The following CELF2 variants were observed in gnomAD, a reference collection of about 807,000 sequenced individuals.
The protein encoded by CELF2 is CUG triplet repeat RNA-binding protein 2.
A neutral mutation model predicts 62.6 loss-of-function variants in CELF2; 8 were observed. That is an observed-to-expected ratio of 0.13 (90% CI 0.07 to 0.23). CELF2 has a LOEUF of 0.23. Ranked by LOEUF, CELF2 falls within the 10% of genes least tolerant of loss-of-function variation. CELF2 has a pLI of 1.00. For synonymous variants in CELF2, 258 were observed against 250.0 expected (o/e 1.03, Z -0.30); for missense variants, 333 against 671.0 (o/e 0.50, Z 5.56).
the CELF2 span, among the ~76,000 whole-genome samples, chr10:10,591,046 C>A: frequency 6.6e-6 from 1 of 151,996 alleles, no homozygotes; most frequent in African/African-American, 2.4e-5. Flanking sequence ...CTGGTGTTCA[C>A]GAGAATATAA....
At position 11,240,176 on chromosome 10, in the gene CELF2, CT is replaced by C. The variant is rs2073302291; in HGVS notation, c.355-8975del. Among the ~76,000 whole-genome samples the C allele has an allele frequency of 2.6e-5, 4 of 152,362 alleles. No homozygotes were observed. In the South Asian group the frequency reaches 8.3e-4, roughly 32 times the overall value. ...TCTGCCTCCATCATGGAATTGGCATCTTCAGAGGGTAACAGTTTTTTCCCGA... is the reference window on the plus strand; with the variant it reads ...TCTGCCTCCATCATGGAATTGGCATCTCAGAGGGTAACAGTTTTTTCCCGA... On this transcript the variant is annotated intron_variant, in intron 3 of 12. Coordinates refer to ENST00000633077, the MANE Select transcript of CELF2 (RefSeq NM_001326342.2).
At chr10:11,017,858 G>C (rs1202514255), upstream of CELF2, 117 of 747,246 alleles carry the variant, frequency 1.6e-4, no homozygotes, top group Non-Finnish European at 1.8e-4. The surrounding 1 kb of genome is among the most constrained non-coding windows in gnomAD (Gnocchi z 5.5). Context: ...GGCGGCGGGC[G>C]CCCCGCGAGC....
chr10:11,170,307 C>T (rs2068454541), intron 2 of CELF2, among the ~76,000 whole-genome samples: 2 of 152,182 alleles, frequency 1.3e-5, no homozygotes, highest in Non-Finnish European at 2.9e-5. Context: ...TTCGTACAAG[C>T]GCCTGCCCTC....
chr10:10,918,671 T>C (rs1416884178), intron 1 of CELF2, among the ~76,000 whole-genome samples: 1 of 152,188 alleles, frequency 6.6e-6, no homozygotes, highest in African/African-American at 2.4e-5. Flanking sequence ...CCTTTAAAGC[T>C]GAAGCTTAAC....
At chr10:10,622,120 C>A in the CELF2 span, among the ~76,000 whole-genome samples, 2 of 152,184 alleles carry the variant, frequency 1.3e-5, no homozygotes, top group South Asian at 4.1e-4. Flanking sequence ...TGGGGATGAG[C>A]CCCTGGGACC....
chr10:10,924,418 T>C (rs2065249479), intron 2 of CELF2, among the ~76,000 whole-genome samples: 1 of 151,720 alleles, frequency 6.6e-6, no homozygotes, highest in African/African-American at 2.4e-5. Context: ...CAGAGTCCAC[T>C]GTTTTTCAAC....
chr10:11,052,651 C>T (rs1218264379), intron 1 of CELF2, among the ~76,000 whole-genome samples: 8 of 152,224 alleles, frequency 5.3e-5, no homozygotes, highest in East Asian at 1.9e-4. Context: ...GCACTTCTGC[C>T]GATCCTTAAC....
At chr10:10,776,906 G>T in the CELF2 span, among the ~76,000 whole-genome samples, 2 of 152,192 alleles carry the variant, frequency 1.3e-5, no homozygotes, top group Non-Finnish European at 2.9e-5. Context: ...AGGTCAACAC[G>T]TCCTCCGGAA....
At position 11,161,098 on chromosome 10, in the gene CELF2, A is replaced by G. The variant is rs555693900; in HGVS notation, c.75-4388A>G. On this transcript the variant is annotated intron_variant, in intron 1 of 12. Coordinates refer to ENST00000633077, the MANE Select transcript of CELF2 (RefSeq NM_001326342.2). ...GATTTTGCATATACTCTGTTGATCT[A>G]GTTATTTTTCCTCTAAAATAGGGAA... 2.6e-5 allele frequency among the ~76,000 whole-genome samples: 4 copies of G among 152,342 alleles called. No homozygotes were observed. The South Asian group carries it at 8.3e-4, about 32-fold the overall frequency.
chr10:10,683,727 T>C, the CELF2 span, among the ~76,000 whole-genome samples: 7 of 152,194 alleles, frequency 4.6e-5, no homozygotes, highest in African/African-American at 1.7e-4. Context: ...AGATCATATA[T>C]GATGGGCTTG....
chr10:11,288,716 T>A (rs2091942268), intron 9 of CELF2, among the ~76,000 whole-genome samples, 164 bp downstream of exon 9: 1 of 152,196 alleles, frequency 6.6e-6, no homozygotes, highest in Non-Finnish European at 1.5e-5. Context: ...TTAAAAATGG[T>A]CAAAGTTCGA....
the CELF2 span, among the ~76,000 whole-genome samples, chr10:10,540,235 C>T: frequency 3.3e-5 from 5 of 152,306 alleles, no homozygotes; most frequent in South Asian, 2.1e-4. Context: ...TGCATGTCAG[C>T]ACGCAGCATC....
intron 1 of CELF2, among the ~76,000 whole-genome samples, chr10:11,134,102 T>A (rs1288223660): frequency 6.6e-6 from 1 of 152,202 alleles, no homozygotes; most frequent in Admixed American, 6.5e-5. Flanking sequence ...ATAATTATAC[T>A]CTTCTAAAGA....
chr10:10,561,837 G>A, the CELF2 span, among the ~76,000 whole-genome samples: 1 of 152,210 alleles, frequency 6.6e-6, no homozygotes, highest in Non-Finnish European at 1.5e-5. Flanking sequence ...AGCAGCGTCA[G>A]TAGAGACAGA....
chr10:10,627,534 A>T, the CELF2 span, among the ~76,000 whole-genome samples: 1 of 152,232 alleles, frequency 6.6e-6, no homozygotes, highest in East Asian at 1.9e-4. Flanking sequence ...AGCACCTTAC[A>T]GACACTGAAG....
intron 10 of CELF2, among the ~76,000 whole-genome samples, chr10:11,320,282 A>G (rs2095357381): frequency 6.6e-6 from 1 of 152,188 alleles, no homozygotes; most frequent in African/African-American, 2.4e-5. Context: ...GGAGAAATCG[A>G]GTCTACTGGC....
At chr10:10,749,014 G>T in the CELF2 span, among the ~76,000 whole-genome samples, 1 of 152,178 alleles carries the variant, frequency 6.6e-6, no homozygotes, top group Non-Finnish European at 1.5e-5. Flanking sequence ...AGTTTACTGA[G>T]ATCGGGAGAA....
chr10:10,801,802 A>G (rs985039909), intron 1 of CELF2, among the ~76,000 whole-genome samples: 1 of 152,212 alleles, frequency 6.6e-6, no homozygotes, highest in Non-Finnish European at 1.5e-5. Context: ...CAAAAGGCAC[A>G]ATTTTAAAAC....
At chr10:10,978,372 A>G (rs971081683) in intron 2 of CELF2, among the ~76,000 whole-genome samples, 5 of 152,216 alleles carry the variant, frequency 3.3e-5, no homozygotes, top group Non-Finnish European at 1.5e-5. Context: ...CATCATAAAA[A>G]ATTGGTGTTA....
Sources: allele counts gnomAD v4.1 joint callset (sites outside exome capture counted in the v4.1 genomes callset), GRCh38; gene constraint gnomAD v4.1.1; non-coding constraint Gnocchi (gnomAD v3.1); transcripts MANE v1.5; gene names NCBI Gene and HGNC (gene_info 2026-07-23, HGNC 2026-07-21).